Variants in KCNH4 observed in about 807,000 individuals in gnomAD.
KCNH4 encodes the protein potassium voltage-gated channel subfamily H member 4, also known as voltage-gated delayed rectifier potassium channel KCNH4.
Under a neutral mutation model 90.7 loss-of-function variants are expected in KCNH4, and 33 were observed. That is an observed-to-expected ratio of 0.36 (90% CI 0.28 to 0.49). The LOEUF (loss-of-function observed/expected upper bound fraction) is 0.49, where lower values mean the gene tolerates loss of function less well. Ranked by LOEUF, KCNH4 falls within the 20% of genes least tolerant of loss-of-function variation. The probability of loss-of-function intolerance (pLI) is 0.98; values close to 1 mark genes in which losing one functional copy is unlikely to be tolerated. For missense variants in KCNH4, 1,044 were observed against 1,387.1 expected, an observed-to-expected ratio of 0.75 and a Z score of 3.93; for synonymous variants, 551 against 581.7, an observed-to-expected ratio of 0.95 and a Z score of 0.76.
At chr17:42,171,192 A>G (rs897395522) in intron 7 of KCNH4, among the ~76,000 whole-genome samples, 2 of 152,062 alleles carry the variant, frequency 1.3e-5, no homozygotes, top group Non-Finnish European at 2.9e-5. Flanking sequence ...GGAAATCAGT[A>G]GGGAGGCTAT....
chr17:42,171,826 C>G lies in KCNH4; in HGVS notation c.1157G>C (p.Arg386Pro), dbSNP rs147730487. The G allele has an allele frequency of 6.2e-7, 1 of 1,614,078 alleles. No individual in the cohort carries two copies. Among genetic ancestry groups the G allele is most frequent in the East Asian group, 2.2e-5 (1 of 44,874 alleles). Residue 386 changes from arginine to proline, a missense_variant, in exon 7 of 17, where the codon CGG becomes CCG. Coordinates refer to ENST00000264661, the MANE Select transcript of KCNH4 (RefSeq NM_012285.3). ...CAGCGGGTCATTGGCCTCCATCTCC[C>G]GGCGCCCGATGACATACCAGATGCA... ...MACIWYVIGR[R>P]EMEANDPLLW...
chr17:42,169,069 C>T (rs1213953355), intron 9 of KCNH4, among the ~76,000 whole-genome samples: 2 of 148,948 alleles, frequency 1.3e-5, no homozygotes, highest in Non-Finnish European at 3.0e-5. Flanking sequence ...CTGCGCTCAG[C>T]GCCTCCATTT....
chr17:42,173,646 G>T (rs1244206938), intron 6 of KCNH4, among the ~76,000 whole-genome samples: 1 of 149,784 alleles, frequency 6.7e-6, no homozygotes, highest in Non-Finnish European at 1.5e-5. Flanking sequence ...GGGAAGCAGG[G>T]TGGTATGTTG....
chr17:42,164,818 A>T (rs556445374), intron 11 of KCNH4, among the ~76,000 whole-genome samples: 6 of 134,184 alleles, frequency 4.5e-5, no homozygotes, highest in Non-Finnish European at 1.6e-5. Flanking sequence ...ACAAAAACGA[A>T]AACAAGACCG....
At chr17:42,167,189 C>T (rs1196510055) in intron 9 of KCNH4, among the ~76,000 whole-genome samples, 1 of 152,178 alleles carries the variant, frequency 6.6e-6, no homozygotes, top group African/African-American at 2.4e-5. Flanking sequence ...CACACTCTCC[C>T]TGCATCATGG....
At position 42,179,668 on chromosome 17, in the gene KCNH4, A is replaced by G. The variant is rs113314653; in HGVS notation, c.77-642T>C. Among the ~76,000 whole-genome samples, 1,336 of 152,320 alleles carry G rather than the reference A, an allele frequency of 8.8e-3. 21 individuals are homozygous for G. Among genetic ancestry groups the G allele is most frequent in the African/African-American group, 0.03 (1,258 of 41,560 alleles). Reference sequence around the variant, plus strand: ...CAAAAGGCAGAGATTATCCAAACTCACAGATCTCCTTAGTGTGGGGGCAGA... The same window carrying G: ...CAAAAGGCAGAGATTATCCAAACTCGCAGATCTCCTTAGTGTGGGGGCAGA... On this transcript the variant is annotated intron_variant, in intron 1 of 16. Transcript: ENST00000264661.
rs2079895646 is a variant in KCNH4 at position 42,180,733 on chromosome 17, G to A, written c.76+137C>T. The A allele has an allele frequency of 5.7e-6, 5 of 870,944 alleles. No individual in the cohort carries two copies. Among genetic ancestry groups the A allele is most frequent in the Non-Finnish European group, 7.4e-6 (4 of 540,274 alleles). 54.0% of individuals were successfully genotyped at this position (870,944 alleles called of 1,614,324 possible). ...CTCCCCGCCCTGTTCCTGCACCGCG[G>A]CTTTGGGAGTTCCTAGACCCGCACC... On this transcript the variant is annotated intron_variant, in intron 1 of 16. Coordinates refer to ENST00000264661, the MANE Select transcript of KCNH4 (RefSeq NM_012285.3). The surrounding 1 kb of genome is among the most constrained non-coding windows in gnomAD (Gnocchi z 4.7).
chr17:42,173,707 T>TC (rs1356328083), intron 6 of KCNH4, among the ~76,000 whole-genome samples: 6 of 130,962 alleles, frequency 4.6e-5, no homozygotes, highest in Non-Finnish European at 8.2e-5. Context: ...TTTTTTTTTT[T>TC]TTTTTTTTTT....
rs1048333550 is a variant in KCNH4 at position 42,163,940 on chromosome 17, C to T, written c.2143G>A (p.Gly715Ser). The change falls in exon 13 of 17, where the codon GGC (glycine) becomes AGC (serine). Residue 715 changes from glycine to serine, a missense_variant. Gly to Ser is a moderately conservative substitution (Grantham distance 56). Coordinates refer to ENST00000264661, the MANE Select transcript of KCNH4 (RefSeq NM_012285.3). This position sits in a 1 kb window ranked among gnomAD's most constrained non-coding sequence, Gnocchi z 5.4. ...RLSQPRSESL[G>S]SSSDKTLPSI... The stretch of plus-strand genomic sequence containing the variant: ...GGCAGCGTCTTGTCTGAGGAGGAGC[C>T]GAGGCTTTCTGAGCGGGGCTGCGGG... 9.1e-6 allele frequency: 14 copies of T among 1,542,660 alleles called. No individual in the cohort carries two copies. The highest frequency in any genetic ancestry group is 1.1e-5 in the Non-Finnish European group (13 of 1,144,524).
At chr17:42,172,032 C>A (rs866697360) in intron 6 of KCNH4, 37 bp from the exon 7 acceptor site, 3 of 1,534,684 alleles carry the variant, frequency 2.0e-6, no homozygotes, top group African/African-American at 1.4e-5. Context: ...TCAGCAGGCA[C>A]ACCTCCTCCG....
At chr17:42,175,341 T>C (rs2079853672) in intron 6 of KCNH4, among the ~76,000 whole-genome samples, 2 of 152,264 alleles carry the variant, frequency 1.3e-5, no homozygotes. Context: ...TAGCCATAGT[T>C]AGCTTTTCAT....
chr17:42,175,880 G>C (rs1463750926), intron 5 of KCNH4, 144 bp from the exon 6 acceptor site: 23 of 1,260,768 alleles, frequency 1.8e-5, no homozygotes, highest in Non-Finnish European at 2.6e-5. Flanking sequence ...AGGGAGGATA[G>C]GTTACAAGGC....
intron 6 of KCNH4, 38 bp downstream of exon 6, chr17:42,175,540 TG>T (rs1567642110): frequency 6.2e-7 from 1 of 1,612,220 alleles, no homozygotes. Context: ...GTGCTGAAGT[TG>T]GGAGGTTGGA....
chr17:42,159,692 T>G (rs892483981), intron 16 of KCNH4, 39 bp downstream of exon 16: 1 of 203,510 alleles, frequency 4.9e-6, no homozygotes, highest in Non-Finnish European at 9.7e-6. Context: ...AGGCTGGAGC[T>G]GGGTCCCTTG....
intron 10 of KCNH4, 55 bp downstream of exon 10, chr17:42,166,242 G>A: frequency 6.5e-7 from 1 of 1,528,398 alleles, no homozygotes; most frequent in East Asian, 2.4e-5. Context: ...AGTCCTCAGT[G>A]GGGGTTGCGG....
rs763026311 is a variant in KCNH4 at position 42,163,639 on chromosome 17, A to C, written c.2444T>G (p.Leu815Arg). 8.7e-6 allele frequency: 13 copies of C among 1,496,370 alleles called. No homozygotes were observed. In the East Asian group the frequency reaches 1.6e-4, roughly 19 times the overall value. The allele number at this position is 1,496,370 out of a possible 1,614,324, so 92.7% of individuals were successfully genotyped here. A position where few individuals can be genotyped will look rare whatever the true frequency, so the allele number is the denominator to read the frequency against. ...GAGGTCCGGAGGTCCAAAGGTTCCC[A>C]GTGGGGGAATGAGAAGCTGAGGGGG... ...WKPPQLLIPP[L>R]GTFGPPDLSP... The change falls in exon 13 of 17, where the codon CTG becomes CGG. Residue 815 changes from leucine (L) to arginine (R), a missense_variant. By Grantham distance (102) the Leu-to-Arg change is moderately radical. This residue lies in a region of KCNH4 where 441 missense variants were observed against 512.3 expected (regional missense o/e 0.86). Coordinates refer to ENST00000264661, the MANE Select transcript of KCNH4 (RefSeq NM_012285.3). The surrounding 1 kb of genome is among the most constrained non-coding windows in gnomAD (Gnocchi z 5.4).
At chr17:42,168,777 T>C (rs959138013) in intron 9 of KCNH4, among the ~76,000 whole-genome samples, 8 of 151,998 alleles carry the variant, frequency 5.3e-5, no homozygotes, top group African/African-American at 1.7e-4. Flanking sequence ...TTTTTATTTT[T>C]ATTTTTATTT....
chr17:42,180,443 T>C lies in KCNH4; in HGVS notation c.76+427A>G, dbSNP rs1463795052. Among the ~76,000 whole-genome samples, 1 of 152,232 alleles carries C rather than the reference T, an allele frequency of 6.6e-6. No individual in the cohort carries two copies. The highest frequency in any genetic ancestry group is 1.9e-4 in the East Asian group (1 of 5,176). Reference sequence around the variant, plus strand: ...GACCTCAATCCAAACTAGGTCCTGCTGAAGTCTGATCTTTTCTCCTTTTTT... The same window carrying C: ...GACCTCAATCCAAACTAGGTCCTGCCGAAGTCTGATCTTTTCTCCTTTTTT... On this transcript the variant is annotated intron_variant, in intron 1 of 16. Transcript: ENST00000264661. The surrounding 1 kb of genome is among the most constrained non-coding windows in gnomAD (Gnocchi z 4.7).
Position 42,178,474 on chromosome 17 carries a change from G to A in KCNH4, c.314C>T (p.Ser105Leu). The A allele has an allele frequency of 3.7e-6, 6 of 1,614,144 alleles. No homozygotes were observed. The highest frequency in any genetic ancestry group is 3.3e-5 in the South Asian group (3 of 91,050). The stretch of plus-strand genomic sequence containing the variant: ...CATGTCCAGGAGGCACCAAAAGGCT[G>A]AGCCTGTAGGCATGGAGAGAGGGAA... The part of the protein sequence containing the change: ...AEICFYRKDG[S>L]AFWCLLDMMP... Residue 105 changes from serine (S) to leucine (L), a missense_variant, in exon 3 of 17, where the codon TCA becomes TTA. Physicochemically the swap from Ser to Leu is moderately radical, Grantham distance 145 (BLOSUM62 -2). This residue lies in a region of KCNH4 where 283 missense variants were observed against 378.6 expected (regional missense o/e 0.75). Transcript: ENST00000264661.
Sources: gnomAD v4.1 joint callset for allele counts (sites outside exome capture counted in the v4.1 genomes callset) on GRCh38, gnomAD v4.1.1 for gene constraint, gnomAD v4.1.1 regional missense constraint, Gnocchi (gnomAD v3.1) non-coding constraint, MANE v1.5 for transcripts, NCBI Gene and HGNC (gene_info 2026-07-23, HGNC 2026-07-21) for gene names.